Variants in WDPCP observed in about 807,000 individuals in gnomAD.
WDPCP encodes the protein WD repeat-containing and planar cell polarity effector protein fritz homolog.
WDPCP carries 71 observed loss-of-function variants against 93.1 expected under a neutral mutation model. The observed-to-expected ratio is 0.76, with a 90% CI of 0.63 to 0.93. WDPCP has a LOEUF of 0.93. Ranked by LOEUF, WDPCP falls within the 40% of genes least tolerant of loss-of-function variation. The pLI is 0.00. For synonymous variants in WDPCP, 315 were observed against 315.0 expected (o/e 1.00, Z 0.00); for missense variants, 844 against 887.4 (o/e 0.95, Z 0.62).
At chr2:63,185,629 A>T (rs1390730871) in intron 14 of WDPCP, among the ~76,000 whole-genome samples, 1 of 152,178 alleles carries the variant, frequency 6.6e-6, no homozygotes, top group Non-Finnish European at 1.5e-5. Flanking sequence ...CAAGGAGCTC[A>T]TCTCATTCAT....
chr2:63,412,925 G>A (rs1695129711), intron 9 of WDPCP, among the ~76,000 whole-genome samples: 1 of 152,058 alleles, frequency 6.6e-6, no homozygotes, highest in Non-Finnish European at 1.5e-5. Context: ...TAGAATCAAT[G>A]TTGTGAAAAT....
chr2:63,622,830 A>G, intron 3 of WDPCP: 2 of 1,608,212 alleles, frequency 1.2e-6, no homozygotes, highest in Non-Finnish European at 1.7e-6. Context: ...ATACTTAACC[A>G]TCGTCCTGGC....
rs540208133 is a variant in WDPCP, at chr2:63,731,261, C to A, written n.309-80423G>T. On this transcript the variant is annotated intron_variant and non_coding_transcript_variant, in intron 2 of 4. Coordinates refer to the WDPCP transcript ENST00000467687. ...CCCTGCATGGCAACAGAGTGAGAAT[C>A]CGTCTCAAAAAAAAAAAAAAAAAGA... 7.5e-5 allele frequency among the ~76,000 whole-genome samples: 11 copies of A among 147,234 alleles called. No homozygotes were observed. In the East Asian group the frequency reaches 2.2e-3, roughly 29 times the overall value.
At chr2:63,809,868 G>A (rs951353881) in intron 2 of WDPCP, among the ~76,000 whole-genome samples, 1 of 151,516 alleles carries the variant, frequency 6.6e-6, no homozygotes, top group Non-Finnish European at 1.5e-5. Context: ...GTATGACCCT[G>A]CCAAATCCCC....
At chr2:63,133,487 A>C (rs1670426721) in intron 17 of WDPCP, among the ~76,000 whole-genome samples, 1 of 152,184 alleles carries the variant, frequency 6.6e-6, no homozygotes, top group Admixed American at 6.5e-5. Context: ...CTCACCTTGA[A>C]TTGTAATAAT....
At chr2:63,286,774 T>C (rs1364661176) in intron 13 of WDPCP, among the ~76,000 whole-genome samples, 1 of 152,258 alleles carries the variant, frequency 6.6e-6, no homozygotes, top group African/African-American at 2.4e-5. Flanking sequence ...AGCTAGCTTA[T>C]TCTGTGGTTT....
At chr2:63,313,500 G>C (rs1686340607) in intron 12 of WDPCP, among the ~76,000 whole-genome samples, 189 bp from the exon 13 acceptor site, 2 of 152,134 alleles carry the variant, frequency 1.3e-5, no homozygotes, top group Admixed American at 1.3e-4. Flanking sequence ...GAGGGGCTGA[G>C]GCGCAGAGCC....
intron 12 of WDPCP, among the ~76,000 whole-genome samples, chr2:63,320,447 A>G (rs1232355457): frequency 6.6e-6 from 1 of 152,182 alleles, no homozygotes; most frequent in Non-Finnish European, 1.5e-5. Flanking sequence ...TTTATTTAAT[A>G]TACACTAGTC....
At chr2:63,127,995 C>T (rs760094576) in intron 17 of WDPCP, among the ~76,000 whole-genome samples, 34 of 151,780 alleles carry the variant, frequency 2.2e-4, no homozygotes, top group Non-Finnish European at 3.5e-4. Context: ...ACAAATTAGC[C>T]GGGTGTGGTA....
intron 6 of WDPCP, among the ~76,000 whole-genome samples, chr2:63,483,182 C>T (rs906083003): frequency 1.3e-5 from 2 of 151,858 alleles, no homozygotes; most frequent in African/African-American, 4.8e-5. Context: ...ATGAGACATG[C>T]CTCTTACTAT....
intron 2 of WDPCP, among the ~76,000 whole-genome samples, chr2:63,783,022 G>A (rs1297931513): frequency 6.6e-6 from 1 of 152,112 alleles, no homozygotes; most frequent in Non-Finnish European, 1.5e-5. Flanking sequence ...ATGGAAAACA[G>A]TATGGGGGTT....
At chr2:63,240,352 AT>A (rs946507308) in intron 14 of WDPCP, among the ~76,000 whole-genome samples, 3 of 151,944 alleles carry the variant, frequency 2.0e-5, no homozygotes, top group Non-Finnish European at 4.4e-5. Context: ...TAGCTTTAAA[AT>A]TTTTGGTAGA....
intron 1 of WDPCP, among the ~76,000 whole-genome samples, chr2:63,572,701 CAAAAAAA>C (rs533331577): frequency 3.2e-4 from 8 of 24,778 alleles, no homozygotes; most frequent in African/African-American, 4.4e-4. Flanking sequence ...GACTCTGTCT[CAAAAAAA>C]AAAAAAAAAA....
intron 14 of WDPCP, among the ~76,000 whole-genome samples, chr2:63,246,730 A>T (rs1358948468): frequency 6.6e-6 from 1 of 152,172 alleles, no homozygotes; most frequent in East Asian, 1.9e-4. Flanking sequence ...AGGATTCTGT[A>T]TGTCAAGTGA....
intron 14 of WDPCP, among the ~76,000 whole-genome samples, chr2:63,191,095 A>G (rs1053566353): frequency 1.1e-4 from 17 of 152,232 alleles, no homozygotes; most frequent in Admixed American, 2.0e-4. Flanking sequence ...CAACACTTAA[A>G]AATTGGGACA....
At chr2:63,571,746 A>T (rs576868181) in intron 1 of WDPCP, 29 of 407,212 alleles carry the variant, frequency 7.1e-5, no homozygotes, top group African/African-American at 5.0e-4. Flanking sequence ...ATCAGGTGAA[A>T]GATGAACTAC....
intron 1 of WDPCP, among the ~76,000 whole-genome samples, chr2:63,534,032 A>C (rs373139598): frequency 6.6e-6 from 1 of 152,208 alleles, no homozygotes. Flanking sequence ...AAGGGATCTC[A>C]CCACCGATCC....
chr2:63,551,388 C>G (rs1465076551), intron 1 of WDPCP, among the ~76,000 whole-genome samples: 1 of 152,084 alleles, frequency 6.6e-6, no homozygotes, highest in African/African-American at 2.4e-5. Context: ...TGGCTTGTTG[C>G]CCTCCTTGAG....
intron 1 of WDPCP, among the ~76,000 whole-genome samples, chr2:63,580,179 A>G (rs1219359679): frequency 6.6e-6 from 1 of 152,204 alleles, no homozygotes; most frequent in Non-Finnish European, 1.5e-5. Context: ...GGCAGATGAG[A>G]AGGAAAAACT....
Sources: allele counts gnomAD v4.1 joint callset (sites outside exome capture counted in the v4.1 genomes callset), GRCh38; gene constraint gnomAD v4.1.1; transcripts MANE v1.5; gene names NCBI Gene and HGNC (gene_info 2026-07-23, HGNC 2026-07-21).